Variants in REV3L observed in about 807,000 individuals in gnomAD.
REV3L encodes DNA polymerase zeta catalytic subunit.
REV3L carries 69 observed loss-of-function variants against 299.4 expected under a neutral mutation model. The ratio of observed to expected loss-of-function variants is 0.23; its 90% CI spans 0.19 to 0.28. The LOEUF is 0.28. Among genes scored for constraint, REV3L ranks in the 10% least tolerant of loss-of-function variants. REV3L has a pLI of 1.00. For synonymous variants in REV3L, 1,238 were observed against 1,271.4 expected, an observed-to-expected ratio of 0.97 and a Z score of 0.56; for missense variants, 3,128 against 3,693.8, an observed-to-expected ratio of 0.85 and a Z score of 3.97.
intron 28 of REV3L, chr6:111,311,725 T>C (rs456865): frequency 0.41 from 61,824 of 152,000 alleles, 15,106 homozygotes; most frequent in Non-Finnish European, 0.55. Flanking sequence ...TATAAAAATG[T>C]TGATAAATAA....
At chr6:111,382,840 C>T (rs903599108) in intron 9 of REV3L, among the ~76,000 whole-genome samples, 1 of 152,132 alleles carries the variant, frequency 6.6e-6, no homozygotes, top group African/African-American at 2.4e-5. Flanking sequence ...CTCCAGAAGA[C>T]TCTTTCATTC....
Position 111,374,149 on chromosome 6 carries a change from T to G in REV3L, c.4206A>C (p.Glu1402Asp). Residue 1402 changes from glutamate to aspartate, a missense_variant, in exon 13 of 32, where the codon GAA becomes GAC. By Grantham distance (45) the Glu-to-Asp change is conservative (BLOSUM62 2). This residue lies in a region of REV3L where 2,409 missense variants were observed against 2,611.8 expected (regional missense o/e 0.92). Coordinates refer to ENST00000368802, the MANE Select transcript of REV3L (RefSeq NM_001372078.1). ...GCTTTGATTCTAGGGAATTGCGATA[T>G]TCACTTAACTTTCCGATTGATGACA... ...NYLSSIGKLS[E>D]YRNSLESKLD... The G allele has an allele frequency of 1.2e-6, 2 of 1,614,150 alleles. No individual in the cohort carries two copies. The highest frequency in any genetic ancestry group is 1.7e-6 in the Non-Finnish European group (2 of 1,179,986).
chr6:111,347,095 C>T (rs1358520243), intron 20 of REV3L, among the ~76,000 whole-genome samples: 1 of 151,952 alleles, frequency 6.6e-6, no homozygotes, highest in Admixed American at 6.6e-5. Context: ...CAAGGAAAAA[C>T]CGTGTCTCTA....
intron 23 of REV3L, among the ~76,000 whole-genome samples, chr6:111,332,105 T>A (rs1775447034): frequency 6.6e-6 from 1 of 152,196 alleles, no homozygotes; most frequent in Admixed American, 6.5e-5. Context: ...GGAGTCTCGC[T>A]CTGTCACCCA....
chr6:111,406,599 C>A (rs1270363010), intron 3 of REV3L, among the ~76,000 whole-genome samples: 1 of 152,048 alleles, frequency 6.6e-6, no homozygotes, highest in African/African-American at 2.4e-5. Flanking sequence ...GCCTTGATGA[C>A]TAACTAGATG....
chr6:111,410,420 A>T (rs566803033), intron 3 of REV3L, among the ~76,000 whole-genome samples: 1 of 152,196 alleles, frequency 6.6e-6, no homozygotes, highest in Non-Finnish European at 1.5e-5. Context: ...TCTTTTAATC[A>T]TGGCTCCCAC....
intron 13 of REV3L, 59 bp downstream of exon 13, chr6:111,372,537 G>A: frequency 7.8e-7 from 1 of 1,287,912 alleles, no homozygotes; most frequent in African/African-American, 1.5e-5. Flanking sequence ...AATCCCCATA[G>A]CATAATTTTA....
chr6:111,467,769 G>C (rs887833658), intron 1 of REV3L, among the ~76,000 whole-genome samples: 4 of 152,144 alleles, frequency 2.6e-5, no homozygotes, highest in Non-Finnish European at 5.9e-5. Flanking sequence ...AGTGATTTGA[G>C]CATCTGTGGA....
At position 111,367,289 on chromosome 6, in the gene REV3L, C is replaced by T; in HGVS notation, c.6499G>A (p.Gly2167Ser). Residue 2167 changes from glycine to serine, a missense_variant, in exon 14 of 32, where the codon GGT becomes AGT. Gly to Ser is a moderately conservative substitution (Grantham distance 56). Coordinates refer to ENST00000368802, the MANE Select transcript of REV3L (RefSeq NM_001372078.1). ...TCACTGCAGGGGCTTTTTTGTATACCATCTTTTATTGGCTTTAAGAAGTTC... is the reference window on the plus strand; with the variant it reads ...TCACTGCAGGGGCTTTTTTGTATACTATCTTTTATTGGCTTTAAGAAGTTC... Reference protein sequence around the residue: ...FENFLKPIKDGIQKSPCSEPQ... With the variant: ...FENFLKPIKDSIQKSPCSEPQ... 1 of 1,611,360 alleles carries T rather than the reference C, an allele frequency of 6.2e-7. No individual in the cohort carries two copies. Among genetic ancestry groups the T allele is most frequent in the South Asian group, 1.1e-5 (1 of 90,494 alleles).
At chr6:111,483,609 G>A, upstream of REV3L, 1 of 447,454 alleles carries the variant, frequency 2.2e-6, no homozygotes, top group Non-Finnish European at 4.4e-6. Context: ...CTCGCCGACC[G>A]CCATTTCACA....
At chr6:111,336,877 A>G (rs571855486) in intron 21 of REV3L, among the ~76,000 whole-genome samples, 7 of 152,344 alleles carry the variant, frequency 4.6e-5, no homozygotes, top group Non-Finnish European at 7.3e-5. Flanking sequence ...AACATGGACA[A>G]TTCTGGACAG....
intron 16 of REV3L, among the ~76,000 whole-genome samples, chr6:111,363,236 T>G (rs965661249): frequency 5.3e-5 from 8 of 152,146 alleles, no homozygotes; most frequent in Non-Finnish European, 8.8e-5. Flanking sequence ...TACAAGTAAA[T>G]ATCACATTTC....
intron 1 of REV3L, among the ~76,000 whole-genome samples, chr6:111,438,062 G>T (rs1048269760): frequency 6.6e-6 from 1 of 150,780 alleles, no homozygotes; most frequent in East Asian, 1.9e-4. Context: ...GTCTCGCTAA[G>T]TGCTTAGACT....
intron 1 of REV3L, among the ~76,000 whole-genome samples, chr6:111,422,540 TTTATATA>T (rs1192768232): frequency 2.8e-5 from 4 of 144,252 alleles, no homozygotes; most frequent in Non-Finnish European, 6.1e-5. Context: ...GAGTGATTCT[TTTATATA>T]TATATGGGTG....
At chr6:111,394,509 T>C (rs1782268999) in intron 4 of REV3L, among the ~76,000 whole-genome samples, 1 of 152,170 alleles carries the variant, frequency 6.6e-6, no homozygotes, top group Non-Finnish European at 1.5e-5. Flanking sequence ...TTCTGGAGAT[T>C]AGTCTCATTT....
chr6:111,322,994 C>CCTTT (rs1554191608), intron 25 of REV3L, among the ~76,000 whole-genome samples: 1 of 117,710 alleles, frequency 8.5e-6, no homozygotes, highest in Non-Finnish European at 2.1e-5. Context: ...TATTCAAGAA[C>CCTTT]TTTTTTTTTT....
chr6:111,309,721 T>C (rs1233596652), intron 30 of REV3L, 132 bp downstream of exon 30: 13 of 977,274 alleles, frequency 1.3e-5, no homozygotes, highest in Admixed American at 2.8e-5. Flanking sequence ...GCTTTCCGTA[T>C]CATTTTACGG....
chr6:111,391,830 T>C (rs1391501937), intron 5 of REV3L, among the ~76,000 whole-genome samples: 1 of 152,180 alleles, frequency 6.6e-6, no homozygotes, highest in Non-Finnish European at 1.5e-5. Flanking sequence ...TCTACAAAAA[T>C]TTTTAAAAAC....
intron 1 of REV3L, among the ~76,000 whole-genome samples, chr6:111,465,184 G>A (rs1322429907): frequency 6.8e-6 from 1 of 147,658 alleles, no homozygotes; most frequent in African/African-American, 2.5e-5. Context: ...GGGTTCAAGT[G>A]ATTCTCCTGG....
Sources: allele counts gnomAD v4.1 joint callset (sites outside exome capture counted in the v4.1 genomes callset), GRCh38; gene constraint gnomAD v4.1.1; regional missense constraint gnomAD v4.1.1; transcripts MANE v1.5; gene names NCBI Gene and HGNC (gene_info 2026-07-23, HGNC 2026-07-21).